ESRRG: variants seen among roughly 807,000 people sequenced by gnomAD.
The protein encoded by ESRRG is estrogen related receptor gamma, also known as estrogen-related receptor gamma.
In ESRRG, 13 loss-of-function variants were observed where a neutral mutation model predicts 44.0. The observed-to-expected ratio is 0.30, with a 90% CI of 0.19 to 0.47. ESRRG has a LOEUF of 0.47. Ranked by LOEUF, ESRRG falls within the 20% of genes least tolerant of loss-of-function variation. ESRRG has a pLI of 1.00. For missense variants in ESRRG, 395 were observed against 580.6 expected, an observed-to-expected ratio of 0.68 and a Z score of 3.29; for synonymous variants, 215 against 214.6, an observed-to-expected ratio of 1.00 and a Z score of -0.02.
intron 1 of ESRRG, among the ~76,000 whole-genome samples, chr1:217,028,627 ATT>A (rs1438203279): frequency 6.6e-6 from 1 of 152,174 alleles, no homozygotes; most frequent in Non-Finnish European, 1.5e-5. Flanking sequence ...TTTCCTTCCA[ATT>A]ACACAAGTAG....
chr1:216,835,962 T>C (rs892909296), intron 2 of ESRRG, among the ~76,000 whole-genome samples: 5 of 152,226 alleles, frequency 3.3e-5, no homozygotes, highest in Middle Eastern at 3.4e-3. Flanking sequence ...TAGAGTCCCA[T>C]TGTATCAAAA....
chr1:216,867,871 T>C (rs1319605878), intron 2 of ESRRG, among the ~76,000 whole-genome samples: 2 of 151,980 alleles, frequency 1.3e-5, no homozygotes. Context: ...TACAAAACAA[T>C]GCCCTGCCCT....
chr1:217,129,972 C>T (rs903888295), intron 1 of ESRRG, among the ~76,000 whole-genome samples: 2 of 151,952 alleles, frequency 1.3e-5, no homozygotes, highest in African/African-American at 2.4e-5. Flanking sequence ...TGTGATGTTA[C>T]GTGAAGTTTA....
At chr1:216,856,024 T>G (rs1438073370) in intron 2 of ESRRG, among the ~76,000 whole-genome samples, 1 of 152,142 alleles carries the variant, frequency 6.6e-6, no homozygotes, top group East Asian at 1.9e-4. Context: ...TTCTTTTTGT[T>G]GTTATCAAAA....
chr1:217,066,245 TTTTTCTTTTC>T lies in ESRRG; in HGVS notation c.-106+23252_-106+23261del. Among the ~76,000 whole-genome samples, 4 of 137,484 alleles carry T rather than the reference TTTTTCTTTTC, an allele frequency of 2.9e-5. No individual in the cohort carries two copies. In the East Asian group the frequency reaches 9.3e-4, roughly 32 times the overall value. 90.2% of individuals were successfully genotyped at this position (137,484 alleles called of 152,430 possible). A position where few individuals can be genotyped will look rare whatever the true frequency, so the allele number is the denominator to read the frequency against. On this transcript the variant is annotated intron_variant, in intron 1 of 7. Transcript: ENST00000359162. ...TTCTATATCCCATGGGGAGAATTCC[TTTTTCTTTTC>T]TTTTTTTTTTTTTTTTTGAGACGGA...
intron 2 of ESRRG, among the ~76,000 whole-genome samples, chr1:216,783,578 A>C (rs2094011780): frequency 6.6e-6 from 1 of 152,016 alleles, no homozygotes; most frequent in Non-Finnish European, 1.5e-5. Flanking sequence ...CTAAAAGACT[A>C]GTTGCTTATG....
intron 1 of ESRRG, among the ~76,000 whole-genome samples, chr1:216,988,064 AC>A (rs2075139029): frequency 6.6e-6 from 1 of 152,102 alleles, no homozygotes; most frequent in Non-Finnish European, 1.5e-5. Context: ...TCCCAGATAA[AC>A]TATATGCCCC....
intron 6 of ESRRG, among the ~76,000 whole-genome samples, chr1:216,508,970 T>A (rs567517501): frequency 1.2e-4 from 18 of 152,224 alleles, no homozygotes; most frequent in Admixed American, 7.9e-4. Flanking sequence ...AAAATGGGAA[T>A]TACACTCTGC....
chr1:216,565,847 T>C (rs143753061), intron 4 of ESRRG, among the ~76,000 whole-genome samples: 3 of 152,192 alleles, frequency 2.0e-5, no homozygotes, highest in Non-Finnish European at 2.9e-5. Context: ...CTTTTAGTTA[T>C]GCTTGGAAAA....
In ESRRG at chr1:216,569,190, GGGAAA is replaced by G. The variant is rs55924517; in HGVS notation, c.590-1097_590-1093del. Among the ~76,000 whole-genome samples the G allele has an allele frequency of 7.6e-3, 409 of 53,776 alleles. 4 individuals are homozygous for G. Among genetic ancestry groups the G allele is most frequent in the African/African-American group, 0.026 (223 of 8,552 alleles). 35.3% of individuals were successfully genotyped at this position (53,776 alleles called of 152,430 possible). A position where few individuals can be genotyped will look rare whatever the true frequency, so the allele number is the denominator to read the frequency against. On this transcript the variant is annotated intron_variant, in intron 3 of 6. Coordinates refer to ENST00000408911, the MANE Select transcript of ESRRG (RefSeq NM_001438.4). ...GGGAAGGGAAGGGAAGGGAAGGGAAGGGAAAGGAAAGGAAAGGAAAGGAAAGGAAA... is the reference window on the plus strand; with the variant it reads ...GGGAAGGGAAGGGAAGGGAAGGGAAGGGAAAGGAAAGGAAAGGAAAGGAAA...
intron 2 of ESRRG, among the ~76,000 whole-genome samples, chr1:216,807,918 T>C (rs1383133297): frequency 1.3e-5 from 2 of 152,268 alleles, no homozygotes; most frequent in African/African-American, 4.8e-5. Flanking sequence ...AATAGAGTCA[T>C]GGGCTTAGTA....
chr1:216,767,219 T>A (rs182793179), intron 2 of ESRRG, among the ~76,000 whole-genome samples: 92 of 152,184 alleles, frequency 6.0e-4, no homozygotes, highest in African/African-American at 2.2e-3. Context: ...TAGTTACTCA[T>A]ATTTTTGAAG....
Position 216,767,448 on chromosome 1 carries a change from C to A in ESRRG, c.-13-89957G>T, listed in dbSNP as rs2093140317. Among the ~76,000 whole-genome samples, 3 of 152,060 alleles carry A rather than the reference C, an allele frequency of 2.0e-5. No individual in the cohort carries two copies. The South Asian group carries it at 6.2e-4, about 31-fold the overall frequency. ...CAATGTTTATCATGGGTTATGGTAACAATGAGTTTAAAGCTATTTGGATAA... is the reference window on the plus strand; with the variant it reads ...CAATGTTTATCATGGGTTATGGTAAAAATGAGTTTAAAGCTATTTGGATAA... On this transcript the variant is annotated intron_variant, in intron 2 of 7. Transcript: ENST00000359162.
rs150767733 is a variant in ESRRG, at chr1:217,048,037, G to C, written c.-106+41470C>G. 2.7e-3 allele frequency among the ~76,000 whole-genome samples: 413 copies of C among 152,304 alleles called. 1 individual carries two copies. Among genetic ancestry groups the C allele is most frequent in the Non-Finnish European group, 4.5e-3 (307 of 68,022 alleles). On this transcript the variant is annotated intron_variant, in intron 1 of 7. Transcript: ENST00000359162. The stretch of plus-strand genomic sequence containing the variant: ...GTGCTGGATCAGGTGGGCATCTAAA[G>C]AGTCTTTCTCTCCTTCCTATTTGAG...
chr1:216,735,025 C>T (rs2089612313), intron 2 of ESRRG, among the ~76,000 whole-genome samples: 1 of 150,432 alleles, frequency 6.6e-6, no homozygotes, highest in African/African-American at 2.4e-5. Flanking sequence ...TCTCCTGCCT[C>T]AGCCTCCCAA....
At chr1:216,830,508 G>C (rs1386312047) in intron 2 of ESRRG, among the ~76,000 whole-genome samples, 3 of 152,186 alleles carry the variant, frequency 2.0e-5, no homozygotes, top group African/African-American at 4.8e-5. Context: ...TCAGGTGTAA[G>C]CTTATGAGGA....
At chr1:217,006,983 AATC>A (rs1449913881) in intron 1 of ESRRG, among the ~76,000 whole-genome samples, 2 of 152,146 alleles carry the variant, frequency 1.3e-5, no homozygotes, top group Admixed American at 1.3e-4. Flanking sequence ...GTACTTTATA[AATC>A]ATATCACCAG....
At chr1:216,656,327 T>C (rs1403245245) in intron 2 of ESRRG, among the ~76,000 whole-genome samples, 1 of 152,202 alleles carries the variant, frequency 6.6e-6, no homozygotes, top group Non-Finnish European at 1.5e-5. Context: ...AAGTGTGCTC[T>C]GCTGCAGAGG....
chr1:216,848,241 T>C (rs544349934), intron 2 of ESRRG, among the ~76,000 whole-genome samples: 1 of 152,262 alleles, frequency 6.6e-6, no homozygotes, highest in East Asian at 1.9e-4. Context: ...CTGTCAAGTA[T>C]GCTTCTGGGG....
Sources: gnomAD v4.1 joint callset for allele counts (sites outside exome capture counted in the v4.1 genomes callset) on GRCh38, gnomAD v4.1.1 for gene constraint, MANE v1.5 for transcripts, NCBI Gene and HGNC (gene_info 2026-07-23, HGNC 2026-07-21) for gene names.